ZFHX3: variants seen among roughly 807,000 people sequenced by gnomAD.
The protein encoded by ZFHX3 is zinc finger homeobox protein 3.
ZFHX3 carries 42 observed loss-of-function variants against 279.1 expected under a neutral mutation model. The observed-to-expected ratio is 0.15, with a 90% CI of 0.12 to 0.19. ZFHX3 has a LOEUF of 0.19. ZFHX3 is among the 10% of genes least tolerant of loss of function. ZFHX3 has a pLI of 1.00. For missense variants in ZFHX3, 4,981 were observed against 4,754.0 expected (o/e 1.05, Z -1.40); for synonymous variants, 2,293 against 1,957.8 (o/e 1.17, Z -4.52).
chr16:73,812,427 T>C (rs1051455840), intron 1 of ZFHX3, among the ~76,000 whole-genome samples: 2 of 152,200 alleles, frequency 1.3e-5, no homozygotes, highest in Non-Finnish European at 2.9e-5. Flanking sequence ...GAAATGGTGT[T>C]CTTTCTCCTC....
chr16:73,665,804 A>G (rs984846883), intron 2 of ZFHX3, among the ~76,000 whole-genome samples: 2 of 137,158 alleles, frequency 1.5e-5, no homozygotes, highest in Non-Finnish European at 3.0e-5. Context: ...CTTTTCTTCA[A>G]TAACTTTTTT....
At chr16:73,574,319 G>A (rs2051774894) in intron 2 of ZFHX3, among the ~76,000 whole-genome samples, 1 of 150,492 alleles carries the variant, frequency 6.6e-6, no homozygotes, top group South Asian at 2.1e-4. Context: ...TAACGGACCC[G>A]GGTGAAATTT....
intron 1 of ZFHX3, among the ~76,000 whole-genome samples, chr16:72,963,128 T>C (rs983509616): frequency 6.6e-6 from 1 of 152,198 alleles, no homozygotes; most frequent in African/African-American, 2.4e-5. Context: ...GAGGGCAGCC[T>C]GGGAACCCAG....
chr16:73,883,105 G>T (rs978055239), intron 1 of ZFHX3, among the ~76,000 whole-genome samples: 2 of 151,946 alleles, frequency 1.3e-5, no homozygotes, highest in Non-Finnish European at 2.9e-5. Flanking sequence ...GATATTTGTG[G>T]TTTTTTGGTT....
At chr16:73,157,473 A>G (rs906060991) in intron 5 of ZFHX3, among the ~76,000 whole-genome samples, 8 of 151,130 alleles carry the variant, frequency 5.3e-5, no homozygotes, top group Non-Finnish European at 1.0e-4. Context: ...GGTAAAAAAA[A>G]AAAAAAAAAA....
In ZFHX3 at chr16:72,795,821, CACT is replaced by C; in HGVS notation, c.6858_6860del (p.Ile2286_Val2287delinsMet). ...TCTGTCGGGCATTCTGAAACCACAC[CACT>C]ATCACTCGGGTTGGAAGGTTCAGTA... On this transcript the variant is annotated inframe_deletion, in exon 9 of 10. Coordinates refer to ENST00000268489, the MANE Select transcript of ZFHX3 (RefSeq NM_006885.4). 1 of 1,614,180 alleles carries C rather than the reference CACT, an allele frequency of 6.2e-7. No individual in the cohort carries two copies. The highest frequency in any genetic ancestry group is 8.5e-7 in the Non-Finnish European group (1 of 1,180,032).
chr16:72,998,821 C>T (rs772269465), intron 1 of ZFHX3, among the ~76,000 whole-genome samples: 7 of 152,284 alleles, frequency 4.6e-5, no homozygotes, highest in East Asian at 1.9e-4. Context: ...TTAAGCTGCC[C>T]GGGCCTGGAG....
At chr16:73,789,688 C>T (rs16972566) in intron 1 of ZFHX3, among the ~76,000 whole-genome samples, 2,466 of 152,164 alleles carry the variant, frequency 0.016, 44 homozygotes, top group Middle Eastern at 0.054. Flanking sequence ...GTAATAAATA[C>T]GTTGCCAGGC....
chr16:73,791,967 T>G (rs1210662137), intron 1 of ZFHX3, among the ~76,000 whole-genome samples: 1 of 152,138 alleles, frequency 6.6e-6, no homozygotes, highest in African/African-American at 2.4e-5. Flanking sequence ...GATGGGAAAA[T>G]TAAGAGCAAG....
chr16:73,683,764 T>A (rs1008094877), intron 1 of ZFHX3, among the ~76,000 whole-genome samples: 1 of 152,196 alleles, frequency 6.6e-6, no homozygotes, highest in Admixed American at 6.5e-5. Flanking sequence ...GAGTTGAAAC[T>A]GAGTGCAACT....
At position 72,794,835 on chromosome 16, in the gene ZFHX3, C is replaced by T; in HGVS notation, c.7847G>A (p.Arg2616Lys). Residue 2616 changes from arginine to lysine, a missense_variant, in exon 9 of 10, where the codon AGG becomes AAG. Transcript: ENST00000268489. The surrounding 1 kb of genome is among the most constrained non-coding windows in gnomAD (Gnocchi z 4.2). ...TPTSTMNTLK[R>K]KLEEKASASP... ...TGCACTGGCCTTTTCCTCCAGCTTC[C>T]TCTTGAGAGTGTTCATTGTGGAGGT... 6.2e-7 allele frequency: 1 copy of T among 1,614,112 alleles called. No individual in the cohort carries two copies. The highest frequency in any genetic ancestry group is 8.5e-7 in the Non-Finnish European group (1 of 1,180,048).
At chr16:73,389,400 C>T (rs908530863) in intron 3 of ZFHX3, among the ~76,000 whole-genome samples, 8 of 152,216 alleles carry the variant, frequency 5.3e-5, no homozygotes, top group Non-Finnish European at 8.8e-5. Context: ...AAAGCAGCAT[C>T]TTATATCTAG....
In ZFHX3 at chr16:73,781,756, A is replaced by G. The variant is rs557226363; in HGVS notation, c.-1607-101516T>C. ...GTAATTCCAGCATTTTGGGAGGCCA[A>G]GGTGGGCGAATCACGAGGTCAGGAG... On this transcript the variant is annotated intron_variant, in intron 1 of 17. Transcript: ENST00000641206. 1.3e-4 allele frequency among the ~76,000 whole-genome samples: 20 copies of G among 152,296 alleles called. 1 individual carries two copies. In the East Asian group the frequency reaches 3.7e-3, roughly 28 times the overall value.
At chr16:73,852,371 A>T (rs1961613758) in intron 1 of ZFHX3, among the ~76,000 whole-genome samples, 1 of 152,098 alleles carries the variant, frequency 6.6e-6, no homozygotes, top group African/African-American at 2.4e-5. Flanking sequence ...TGTCCTGAGC[A>T]TTTTCATGTT....
intron 3 of ZFHX3, among the ~76,000 whole-genome samples, chr16:73,333,807 A>C (rs941613535): frequency 0.37 from 10,266 of 27,862 alleles, 887 homozygotes; most frequent in South Asian, 0.45. Flanking sequence ...CAAGAGACCA[A>C]AAAAAAAAAA....
chr16:73,559,211 C>A (rs1222477185), intron 2 of ZFHX3, among the ~76,000 whole-genome samples: 1 of 152,058 alleles, frequency 6.6e-6, no homozygotes, highest in Non-Finnish European at 1.5e-5. Context: ...CCATGCCCAG[C>A]TGATTTTTTT....
At chr16:73,605,641 T>C (rs974368389) in intron 2 of ZFHX3, among the ~76,000 whole-genome samples, 3 of 138,490 alleles carry the variant, frequency 2.2e-5, no homozygotes, top group Non-Finnish European at 3.1e-5. Flanking sequence ...TAATCTAACA[T>C]AGGGGGAGAG....
At chr16:73,362,101 A>C (rs775060291) in intron 3 of ZFHX3, among the ~76,000 whole-genome samples, 12 of 151,932 alleles carry the variant, frequency 7.9e-5, no homozygotes, top group Admixed American at 1.3e-4. Flanking sequence ...AGAATGGTTT[A>C]GTTTTCCAAC....
chr16:73,840,020 G>A (rs931420882), intron 1 of ZFHX3, among the ~76,000 whole-genome samples: 1 of 152,102 alleles, frequency 6.6e-6, no homozygotes, highest in Non-Finnish European at 1.5e-5. Flanking sequence ...ATCTTTCACA[G>A]GTCAGTTTCT....
Sources: allele counts gnomAD v4.1 joint callset (sites outside exome capture counted in the v4.1 genomes callset), GRCh38; gene constraint gnomAD v4.1.1; non-coding constraint Gnocchi (gnomAD v3.1); transcripts MANE v1.5; gene names NCBI Gene and HGNC (gene_info 2026-07-23, HGNC 2026-07-21).